PSD3: variants seen among roughly 807,000 people sequenced by gnomAD.
The protein encoded by PSD3 is PH and SEC7 domain-containing protein 3.
In PSD3, 49 loss-of-function variants were observed where a neutral mutation model predicts 105.5. That is an observed-to-expected ratio of 0.46 (90% CI 0.37 to 0.59). The LOEUF (loss-of-function observed/expected upper bound fraction) is 0.59. Among genes scored for constraint, PSD3 ranks in the 20% least tolerant of loss-of-function variants. The probability of loss-of-function intolerance (pLI) is 0.00; values close to 1 mark genes in which losing one functional copy is unlikely to be tolerated. For synonymous variants in PSD3, 557 were observed against 457.8 expected, an observed-to-expected ratio of 1.22 and a Z score of -2.77; for missense variants, 1,561 against 1,263.8, an observed-to-expected ratio of 1.24 and a Z score of -3.57.
intron 1 of PSD3, among the ~76,000 whole-genome samples, chr8:18,987,620 C>A (rs886610917): frequency 6.6e-6 from 1 of 151,998 alleles, no homozygotes; most frequent in Non-Finnish European, 1.5e-5. Context: ...GAGTTCAAGA[C>A]CACCCTGGGC....
intron 12 of PSD3, among the ~76,000 whole-genome samples, chr8:18,586,297 T>G (rs570169050): frequency 6.6e-6 from 1 of 152,302 alleles, no homozygotes; most frequent in Non-Finnish European, 1.5e-5. Context: ...ATTTCAGCTG[T>G]GCCTAGTTTT....
intron 9 of PSD3, among the ~76,000 whole-genome samples, chr8:18,692,507 G>A (rs992150991): frequency 1.4e-4 from 21 of 152,222 alleles, no homozygotes; most frequent in Non-Finnish European, 2.6e-4. Context: ...GCCCTCTGAC[G>A]GAGGGGTAAA....
At chr8:18,942,400 G>A (rs567215277) in intron 1 of PSD3, among the ~76,000 whole-genome samples, 3 of 152,266 alleles carry the variant, frequency 2.0e-5, no homozygotes, top group East Asian at 1.9e-4. Flanking sequence ...AGGGAGCCAC[G>A]CACAACTTAA....
chr8:18,643,704 C>A (rs190195457), intron 10 of PSD3, among the ~76,000 whole-genome samples: 5 of 152,242 alleles, frequency 3.3e-5, no homozygotes, highest in Non-Finnish European at 7.3e-5. Flanking sequence ...CCTGAAAACA[C>A]TGGAATTGGG....
At chr8:18,807,788 C>T (rs1366842837) in intron 4 of PSD3, among the ~76,000 whole-genome samples, 1 of 152,072 alleles carries the variant, frequency 6.6e-6, no homozygotes, top group Non-Finnish European at 1.5e-5. Context: ...ATGATTTTTT[C>T]ATCCTACATC....
intron 1 of PSD3, among the ~76,000 whole-genome samples, chr8:19,021,503 A>G (rs371021978): frequency 6.6e-6 from 1 of 151,966 alleles, no homozygotes; most frequent in African/African-American, 2.4e-5. Context: ...TTTGGTCAAT[A>G]TACAGGTTTC....
intron 1 of PSD3, among the ~76,000 whole-genome samples, chr8:19,040,989 C>A (rs1171178721): frequency 4.6e-5 from 7 of 152,172 alleles, no homozygotes; most frequent in Non-Finnish European, 1.0e-4. Context: ...AACGCCCAGG[C>A]TCAAGTGATC....
intron 10 of PSD3, among the ~76,000 whole-genome samples, chr8:18,648,000 G>A (rs1405958164): frequency 1.3e-5 from 2 of 152,176 alleles, no homozygotes; most frequent in African/African-American, 2.4e-5. Context: ...CACGCTTCCT[G>A]TGTAGCCTGC....
At chr8:18,875,376 T>C (rs532089802) in intron 2 of PSD3, among the ~76,000 whole-genome samples, 31 of 152,148 alleles carry the variant, frequency 2.0e-4, no homozygotes, top group African/African-American at 7.2e-4. Flanking sequence ...AAAAAGATGA[T>C]AGCTAAAAAC....
intron 1 of PSD3, among the ~76,000 whole-genome samples, chr8:19,028,751 T>C (rs1316262406): frequency 2.0e-5 from 3 of 152,168 alleles, no homozygotes; most frequent in Non-Finnish European, 2.9e-5. Context: ...GAGATATCTT[T>C]CCCTAATGTC....
At chr8:18,950,877 T>C (rs1048985036) in intron 1 of PSD3, among the ~76,000 whole-genome samples, 1 of 152,116 alleles carries the variant, frequency 6.6e-6, no homozygotes, top group South Asian at 2.1e-4. Context: ...TGTCATGCAC[T>C]TGAGAAAGCC....
chr8:19,055,407 C>T (rs1479359058), intron 1 of PSD3, among the ~76,000 whole-genome samples: 2 of 152,146 alleles, frequency 1.3e-5, no homozygotes, highest in African/African-American at 4.8e-5. Context: ...GCGCCCGCCA[C>T]GACGCTCAGC....
chr8:18,705,978 T>G (rs1162213185), intron 9 of PSD3, among the ~76,000 whole-genome samples: 2 of 152,242 alleles, frequency 1.3e-5, no homozygotes, highest in Non-Finnish European at 2.9e-5. Context: ...CCATTGATGT[T>G]GACCACACCC....
intron 1 of PSD3, among the ~76,000 whole-genome samples, chr8:19,004,887 GT>G (rs1221498526): frequency 6.6e-6 from 1 of 152,042 alleles, no homozygotes. Context: ...TGCCATACAT[GT>G]AAGACATGAC....
At chr8:18,582,608 G>C (rs1802889286) in intron 12 of PSD3, among the ~76,000 whole-genome samples, 1 of 151,876 alleles carries the variant, frequency 6.6e-6, no homozygotes, top group Non-Finnish European at 1.5e-5. Flanking sequence ...CCCTTCATTG[G>C]CTCCAGATCA....
chr8:18,661,760 G>C (rs184216252), intron 9 of PSD3, among the ~76,000 whole-genome samples: 6 of 152,268 alleles, frequency 3.9e-5, no homozygotes, highest in Non-Finnish European at 7.3e-5. Flanking sequence ...TAGCCTGAAG[G>C]CTTGACCACA....
intron 4 of PSD3, among the ~76,000 whole-genome samples, chr8:18,857,580 G>C (rs1310653117): frequency 6.6e-6 from 1 of 152,188 alleles, no homozygotes; most frequent in Non-Finnish European, 1.5e-5. Context: ...TGATTCTAAT[G>C]AGCAATCAAG....
intron 4 of PSD3, among the ~76,000 whole-genome samples, chr8:18,854,559 G>A (rs960919665): frequency 6.6e-6 from 1 of 152,206 alleles, no homozygotes; most frequent in African/African-American, 2.4e-5. Context: ...TCAAAACAAA[G>A]TAACTTTGCC....
chr8:18,963,784 G>C (rs910247738), intron 1 of PSD3, among the ~76,000 whole-genome samples: 15 of 152,178 alleles, frequency 9.9e-5, no homozygotes, highest in African/African-American at 3.4e-4. Flanking sequence ...TTAAAATATA[G>C]ACACCACATT....
Sources: gnomAD v4.1 joint callset for allele counts (sites outside exome capture counted in the v4.1 genomes callset) on GRCh38, gnomAD v4.1.1 for gene constraint, MANE v1.5 for transcripts, NCBI Gene and HGNC (gene_info 2026-07-23, HGNC 2026-07-21) for gene names.